KCNK10: variants seen among roughly 807,000 people sequenced by gnomAD.
The protein encoded by KCNK10 is potassium channel subfamily K member 10.
A neutral mutation model predicts 47.7 loss-of-function variants in KCNK10; 25 were observed. The ratio of observed to expected loss-of-function variants is 0.52; its 90% CI spans 0.38 to 0.73. The LOEUF is 0.73. Ranked by LOEUF, KCNK10 falls within the 30% of genes least tolerant of loss-of-function variation. KCNK10 has a pLI of 0.00. For missense variants in KCNK10, 563 were observed against 714.5 expected (o/e 0.79, Z 2.42); for synonymous variants, 303 against 285.6 (o/e 1.06, Z -0.61).
At chr14:88,301,835 C>T (rs998527675) in intron 1 of KCNK10, among the ~76,000 whole-genome samples, 6 of 151,970 alleles carry the variant, frequency 3.9e-5, no homozygotes, top group East Asian at 3.8e-4. Context: ...GATTTTATGC[C>T]GAGTGGAAAG....
intron 2 of KCNK10, among the ~76,000 whole-genome samples, chr14:88,256,524 T>G (rs1886960637): frequency 6.6e-6 from 1 of 151,784 alleles, no homozygotes; most frequent in African/African-American, 2.4e-5. Flanking sequence ...ATGCCCACAG[T>G]AAACCCTCTC....
At chr14:88,240,859 AGTT>A in intron 2 of KCNK10, 39 bp from the exon 3 acceptor site, 2 of 1,316,108 alleles carry the variant, frequency 1.5e-6, no homozygotes, top group South Asian at 1.3e-5. Context: ...TCAGTTTAAA[AGTT>A]GTTTATTTTT....
chr14:88,239,725 G>C (rs1417599059), intron 3 of KCNK10, among the ~76,000 whole-genome samples: 1 of 152,048 alleles, frequency 6.6e-6, no homozygotes, highest in Non-Finnish European at 1.5e-5. Flanking sequence ...TAGGCATGGT[G>C]GTGGGCGCCT....
chr14:88,325,472 G>C (rs901660803), upstream of KCNK10, among the ~76,000 whole-genome samples: 1 of 152,184 alleles, frequency 6.6e-6, no homozygotes, highest in Non-Finnish European at 1.5e-5. Context: ...TCCTTTTACA[G>C]ATGAGAAGAT....
chr14:88,298,832 C>T (rs986397344), intron 1 of KCNK10, among the ~76,000 whole-genome samples: 2 of 152,152 alleles, frequency 1.3e-5, no homozygotes, highest in African/African-American at 4.8e-5. Flanking sequence ...AAGACCCCAA[C>T]CTTCCTTTCC....
intron 4 of KCNK10, among the ~76,000 whole-genome samples, chr14:88,199,936 A>G (rs1022426607): frequency 5.9e-5 from 9 of 152,198 alleles, no homozygotes; most frequent in African/African-American, 2.2e-4. Context: ...GCAGTAAACA[A>G]CGCCCTTCCC....
In KCNK10 at chr14:88,181,412, G is replaced by A. The variant is rs866763104; in HGVS notation, c.*4123C>T. On this transcript the variant is annotated 3_prime_UTR_variant, in exon 7 of 7. Transcript: ENST00000319231. Reference sequence around the variant, plus strand: ...CAGGTGTGTGTGTGTGTGTGTATGTGTGCGTGTGTGTGTGTGTGTGTGTGT... The same window carrying A: ...CAGGTGTGTGTGTGTGTGTGTATGTATGCGTGTGTGTGTGTGTGTGTGTGT... 1 of 74,394 alleles carries A rather than the reference G, an allele frequency of 1.3e-5. No homozygotes were observed. Among genetic ancestry groups the A allele is most frequent in the Non-Finnish European group, 2.8e-5 (1 of 35,506 alleles). 4.6% of individuals were successfully genotyped at this position (74,394 alleles called of 1,614,324 possible). A position where few individuals can be genotyped will look rare whatever the true frequency, so the allele number is the denominator to read the frequency against.
chr14:88,247,442 G>A (rs959589424), intron 2 of KCNK10, among the ~76,000 whole-genome samples: 1 of 152,194 alleles, frequency 6.6e-6, no homozygotes, highest in Non-Finnish European at 1.5e-5. Flanking sequence ...AAAGAAAGAG[G>A]CACCTTCAGT....
At chr14:88,223,633 T>C (rs1885890824) in intron 4 of KCNK10, among the ~76,000 whole-genome samples, 1 of 152,200 alleles carries the variant, frequency 6.6e-6, no homozygotes, top group African/African-American at 2.4e-5. Context: ...TTTGACTTTA[T>C]ATGTGATTTG....
intron 2 of KCNK10, among the ~76,000 whole-genome samples, chr14:88,251,288 C>G (rs1216058673): frequency 6.6e-6 from 1 of 150,938 alleles, no homozygotes; most frequent in Non-Finnish European, 1.5e-5. Context: ...CTTCATTCCT[C>G]AAGCCTTTAG....
chr14:88,300,692 A>C (rs1888073424), intron 1 of KCNK10, among the ~76,000 whole-genome samples: 1 of 152,188 alleles, frequency 6.6e-6, no homozygotes, highest in South Asian at 2.1e-4. Context: ...GCTCATCATA[A>C]GAATGCATCT....
intron 1 of KCNK10, chr14:88,270,884 A>C: frequency 1.3e-6 from 1 of 776,918 alleles, no homozygotes. Context: ...ACCAACATTC[A>C]GAGTAAAGTG....
intron 1 of KCNK10, among the ~76,000 whole-genome samples, chr14:88,317,271 T>C (rs998700316): frequency 2.0e-5 from 3 of 152,212 alleles, no homozygotes; most frequent in Admixed American, 6.5e-5. Flanking sequence ...AAATGTGTGT[T>C]TGGAAACACG....
At chr14:88,272,006 G>T (rs72691982) in intron 1 of KCNK10, among the ~76,000 whole-genome samples, 3,319 of 151,458 alleles carry the variant, frequency 0.022, 51 homozygotes, top group Non-Finnish European at 0.035. Flanking sequence ...AGAGGAAGCA[G>T]GGGGAAGGTT....
At chr14:88,270,692 T>C (rs1887383673) in intron 1 of KCNK10, 1 of 780,836 alleles carries the variant, frequency 1.3e-6, no homozygotes, top group Admixed American at 1.7e-5. Flanking sequence ...TCATCTCACA[T>C]CTGTGCTTTC....
intron 1 of KCNK10, among the ~76,000 whole-genome samples, chr14:88,320,034 C>T (rs1243675961): frequency 6.6e-6 from 1 of 152,192 alleles, no homozygotes; most frequent in Non-Finnish European, 1.5e-5. Context: ...CCTCCTCCAT[C>T]CCCTGGCTAG....
At chr14:88,288,784 G>A (rs772638803) in intron 1 of KCNK10, among the ~76,000 whole-genome samples, 76 of 152,118 alleles carry the variant, frequency 5.0e-4, no homozygotes, top group Admixed American at 9.8e-4. Flanking sequence ...GACTGCACGT[G>A]TGTTGTTCCC....
chr14:88,242,445 G>T (rs1042976836), intron 2 of KCNK10, among the ~76,000 whole-genome samples: 3 of 152,198 alleles, frequency 2.0e-5, no homozygotes, highest in South Asian at 2.1e-4. Flanking sequence ...CTGCGAGCTA[G>T]ATTTGGCAGA....
At chr14:88,287,657 G>T (rs1430173772) in intron 1 of KCNK10, among the ~76,000 whole-genome samples, 5 of 148,568 alleles carry the variant, frequency 3.4e-5, no homozygotes, top group Admixed American at 6.7e-5. Context: ...CCTTTTTATG[G>T]CTGAATAGTA....
Sources: allele counts gnomAD v4.1 joint callset (sites outside exome capture counted in the v4.1 genomes callset), GRCh38; gene constraint gnomAD v4.1.1; transcripts MANE v1.5; gene names NCBI Gene and HGNC (gene_info 2026-07-23, HGNC 2026-07-21).